Variants in CSGALNACT1 observed in about 807,000 individuals in gnomAD.
The protein encoded by CSGALNACT1 is beta4GalNAcT-1.
In CSGALNACT1, 52 loss-of-function variants were observed where a neutral mutation model predicts 51.0. The observed-to-expected ratio is 1.02, with a 90% confidence interval of 0.82 to 1.29. The LOEUF is 1.29. Ranked by LOEUF, CSGALNACT1 falls within the 50% of genes most tolerant of loss-of-function variation. The pLI is 0.00. For synonymous variants in CSGALNACT1, 341 were observed against 254.4 expected, an observed-to-expected ratio of 1.34 and a Z score of -3.24; for missense variants, 935 against 679.2, an observed-to-expected ratio of 1.38 and a Z score of -4.19.
chr8:19,537,468 A>G (rs1037864523), intron 3 of CSGALNACT1, among the ~76,000 whole-genome samples: 3 of 152,136 alleles, frequency 2.0e-5, no homozygotes, highest in Non-Finnish European at 2.9e-5. Context: ...TCCTTTCATA[A>G]ATATTCATGA....
chr8:19,740,244 G>A (rs981102302), intron 1 of CSGALNACT1, among the ~76,000 whole-genome samples: 6 of 152,160 alleles, frequency 3.9e-5, no homozygotes, highest in African/African-American at 1.2e-4. Context: ...TTGGCAGCGG[G>A]GAGGCCCTAT....
chr8:19,473,380 G>C (rs984711148), intron 4 of CSGALNACT1, among the ~76,000 whole-genome samples: 9 of 151,976 alleles, frequency 5.9e-5, no homozygotes, highest in African/African-American at 2.2e-4. Context: ...ATCTGTTCTA[G>C]TTGTAAAACC....
At position 19,624,578 on chromosome 8, in the gene CSGALNACT1, A is replaced by T. The variant is rs191719915; in HGVS notation, c.-543-22713T>A. 3.3e-5 allele frequency among the ~76,000 whole-genome samples: 5 copies of T among 152,296 alleles called. 1 individual carries two copies. Among genetic ancestry groups the T allele is most frequent in the Admixed American group, 3.3e-4 (5 of 15,294 alleles). On this transcript the variant is annotated intron_variant, in intron 1 of 9. Transcript: ENST00000332246. Reference sequence around the variant, plus strand: ...ACAACAAAGCTTTAGTTCTCTTTTGAATCACTCTCATGTGTTAATGGAGTT... The same window carrying T: ...ACAACAAAGCTTTAGTTCTCTTTTGTATCACTCTCATGTGTTAATGGAGTT...
chr8:19,585,746 A>G (rs1413599280), intron 3 of CSGALNACT1, among the ~76,000 whole-genome samples: 1 of 152,164 alleles, frequency 6.6e-6, no homozygotes, highest in Non-Finnish European at 1.5e-5. Flanking sequence ...CATACAAAGA[A>G]CGTTTCTCCA....
At chr8:19,510,915 A>G (rs982159232) in intron 3 of CSGALNACT1, among the ~76,000 whole-genome samples, 5 of 152,204 alleles carry the variant, frequency 3.3e-5, no homozygotes, top group African/African-American at 7.2e-5. Flanking sequence ...CGGGATTTCT[A>G]TGACTAGGAC....
chr8:19,686,017 G>A (rs1402788020), upstream of CSGALNACT1, among the ~76,000 whole-genome samples: 7 of 152,188 alleles, frequency 4.6e-5, no homozygotes, highest in African/African-American at 9.7e-5. Flanking sequence ...ACTGTGACGT[G>A]TTCCTCAAGT....
At chr8:19,610,287 C>T (rs2039184465) in intron 1 of CSGALNACT1, among the ~76,000 whole-genome samples, 1 of 80,672 alleles carries the variant, frequency 1.2e-5, no homozygotes, top group African/African-American at 9.5e-5. Flanking sequence ...ACGACTCCGT[C>T]TCAAAAAAAA....
At chr8:19,501,530 T>G (rs1277066039) in intron 4 of CSGALNACT1, among the ~76,000 whole-genome samples, 2 of 152,098 alleles carry the variant, frequency 1.3e-5, no homozygotes, top group African/African-American at 2.4e-5. Context: ...TGACCCACTC[T>G]CACCACACTA....
At chr8:19,421,559 G>T (rs1011587436) in intron 6 of CSGALNACT1, among the ~76,000 whole-genome samples, 2 of 152,064 alleles carry the variant, frequency 1.3e-5, no homozygotes, top group African/African-American at 4.8e-5. Flanking sequence ...CGTCCTACCA[G>T]CTACCTGGCC....
intron 1 of CSGALNACT1, among the ~76,000 whole-genome samples, chr8:19,640,365 C>T (rs937723959): frequency 6.6e-5 from 10 of 152,178 alleles, no homozygotes; most frequent in African/African-American, 2.2e-4. Flanking sequence ...ACTCTCAAAT[C>T]TCACTGTTTT....
intron 1 of CSGALNACT1, among the ~76,000 whole-genome samples, chr8:19,741,192 G>C (rs904227022): frequency 6.6e-6 from 1 of 152,194 alleles, no homozygotes; most frequent in Non-Finnish European, 1.5e-5. Context: ...GGATAGATCA[G>C]AGAAAACCAT....
chr8:19,453,720 T>C (rs1439417920), intron 5 of CSGALNACT1, among the ~76,000 whole-genome samples: 1 of 152,164 alleles, frequency 6.6e-6, no homozygotes, highest in East Asian at 1.9e-4. Context: ...AAGACCAGCC[T>C]GGCGAACATG....
chr8:19,646,782 G>A (rs922392798), intron 1 of CSGALNACT1, among the ~76,000 whole-genome samples: 1 of 152,116 alleles, frequency 6.6e-6, no homozygotes, highest in African/African-American at 2.4e-5. Context: ...CTAGCCGATA[G>A]TAAGAGCTCC....
intron 1 of CSGALNACT1, among the ~76,000 whole-genome samples, chr8:19,693,632 G>A (rs1448725945): frequency 6.6e-6 from 1 of 152,016 alleles, no homozygotes; most frequent in African/African-American, 2.4e-5. Context: ...TCTACAGGGA[G>A]CCCCTGTTCA....
chr8:19,486,300 C>G (rs2072919864), intron 4 of CSGALNACT1, among the ~76,000 whole-genome samples: 1 of 152,096 alleles, frequency 6.6e-6, no homozygotes, highest in South Asian at 2.1e-4. Context: ...TGCCTGGTAA[C>G]TGTCATGGCT....
intron 1 of CSGALNACT1, among the ~76,000 whole-genome samples, chr8:19,752,361 C>A (rs2065095065): frequency 6.6e-6 from 1 of 152,054 alleles, no homozygotes; most frequent in African/African-American, 2.4e-5. Flanking sequence ...TCTCTGTTGA[C>A]CAGGCTGAGC....
chr8:19,707,171 G>A (rs926773316), intron 1 of CSGALNACT1, among the ~76,000 whole-genome samples: 2 of 152,064 alleles, frequency 1.3e-5, no homozygotes, highest in African/African-American at 2.4e-5. Flanking sequence ...GGTGTAAACA[G>A]GATTTGAAAA....
intron 1 of CSGALNACT1, among the ~76,000 whole-genome samples, chr8:19,650,984 A>C (rs1361291469): frequency 6.6e-6 from 1 of 152,186 alleles, no homozygotes; most frequent in Non-Finnish European, 1.5e-5. Flanking sequence ...GGAGAACACC[A>C]AGGGACAAAG....
chr8:19,680,511 A>C (rs186431256), intron 1 of CSGALNACT1, among the ~76,000 whole-genome samples: 1,702 of 143,866 alleles, frequency 0.012, 21 homozygotes, highest in Non-Finnish European at 0.016. Context: ...AGCAGAGATC[A>C]CACCACTGCA....
Sources: allele counts gnomAD v4.1 joint callset (sites outside exome capture counted in the v4.1 genomes callset), GRCh38; gene constraint gnomAD v4.1.1; transcripts MANE v1.5; gene names NCBI Gene and HGNC (gene_info 2026-07-23, HGNC 2026-07-21).